TAFA2: variants seen among roughly 807,000 people sequenced by gnomAD.
TAFA2 encodes chemokine-like protein TAFA-2.
In TAFA2, 7 loss-of-function variants were observed where a neutral mutation model predicts 18.8. The observed-to-expected ratio is 0.37, with a 90% CI of 0.21 to 0.70. The LOEUF is 0.70. Among genes scored for constraint, TAFA2 ranks in the 30% least tolerant of loss-of-function variants. The pLI is 0.53. For synonymous variants in TAFA2, 60 were observed against 54.2 expected (o/e 1.11, Z -0.47); for missense variants, 122 against 158.1 (o/e 0.77, Z 1.23).
chr12:61,960,500 A>G lies in TAFA2; in HGVS notation c.-1-93074T>C, dbSNP rs1217184259. Among the ~76,000 whole-genome samples the G allele has an allele frequency of 2.0e-5, 3 of 152,086 alleles. No individual in the cohort carries two copies. In the East Asian group the frequency reaches 5.8e-4, roughly 29 times the overall value. ...TATAGTGACTCATTTTGTCTTCAAA[A>G]TTATCCTGTGAGAAATGCTTTACCA... On this transcript the variant is annotated intron_variant, in intron 1 of 4. Transcript: ENST00000416284.
At chr12:62,115,294 A>T (rs1869916531) in intron 1 of TAFA2, among the ~76,000 whole-genome samples, 1 of 152,150 alleles carries the variant, frequency 6.6e-6, no homozygotes, top group Non-Finnish European at 1.5e-5. Flanking sequence ...AAGTGTATGT[A>T]TCAGATCAAC....
At chr12:62,090,037 G>C (rs1868643465) in intron 1 of TAFA2, among the ~76,000 whole-genome samples, 2 of 152,060 alleles carry the variant, frequency 1.3e-5, no homozygotes, top group African/African-American at 4.8e-5. Flanking sequence ...ATTCTCATAA[G>C]ACTGCCTGAA....
intron 1 of TAFA2, among the ~76,000 whole-genome samples, chr12:62,174,209 A>G (rs1881958): frequency 0.91 from 139,159 of 152,230 alleles, 63,727 homozygotes; most frequent in Middle Eastern, 0.95. Context: ...CCAGCTACTC[A>G]GGAGGCTGAG....
At chr12:62,118,627 C>T (rs1870063761) in intron 1 of TAFA2, among the ~76,000 whole-genome samples, 1 of 152,100 alleles carries the variant, frequency 6.6e-6, no homozygotes, top group South Asian at 2.1e-4. Flanking sequence ...CAATAATTGA[C>T]ACTATCAGGC....
intron 2 of TAFA2, among the ~76,000 whole-genome samples, chr12:61,761,873 G>A (rs527759607): frequency 7.2e-5 from 11 of 152,148 alleles, no homozygotes; most frequent in Admixed American, 4.6e-4. Flanking sequence ...GATGGGTCCT[G>A]GTGGAAGGTG....
intron 1 of TAFA2, among the ~76,000 whole-genome samples, chr12:62,255,790 G>A (rs1033227933): frequency 2.6e-5 from 4 of 152,072 alleles, no homozygotes; most frequent in African/African-American, 9.7e-5. Context: ...AGAGGCGAAG[G>A]TTGCAGTGAG....
rs931094071 is a variant in TAFA2, at chr12:62,051,972, A to T, written c.-2+139287T>A. On this transcript the variant is annotated intron_variant, in intron 1 of 4. Coordinates refer to ENST00000416284, the MANE Select transcript of TAFA2 (RefSeq NM_178539.5). Reference sequence around the variant, plus strand: ...TTGTAGTATGAAAGCACTAATAGACAATACATAAACTAATAAACATGTTAT... The same window carrying T: ...TTGTAGTATGAAAGCACTAATAGACTATACATAAACTAATAAACATGTTAT... 3.9e-5 allele frequency among the ~76,000 whole-genome samples: 6 copies of T among 152,190 alleles called. No homozygotes were observed. In the East Asian group the frequency reaches 5.8e-4, roughly 15 times the overall value.
chr12:62,182,716 C>T (rs2062560373), intron 1 of TAFA2, among the ~76,000 whole-genome samples: 1 of 152,186 alleles, frequency 6.6e-6, no homozygotes, highest in African/African-American at 2.4e-5. Flanking sequence ...TGTCACCCTC[C>T]ATTTGAGGAC....
chr12:62,126,233 A>G (rs1870454608), intron 1 of TAFA2, among the ~76,000 whole-genome samples: 1 of 152,116 alleles, frequency 6.6e-6, no homozygotes, highest in South Asian at 2.1e-4. Flanking sequence ...GATGAAAAAG[A>G]TTACCTTTCT....
At chr12:62,136,277 ATTG>A (rs1199081994) in intron 1 of TAFA2, among the ~76,000 whole-genome samples, 1 of 152,146 alleles carries the variant, frequency 6.6e-6, no homozygotes, top group East Asian at 1.9e-4. Flanking sequence ...GTGACCCACA[ATTG>A]TTGTGAATCG....
At chr12:62,128,598 C>T (rs2136890116) in intron 1 of TAFA2, among the ~76,000 whole-genome samples, 1 of 152,112 alleles carries the variant, frequency 6.6e-6, no homozygotes, top group East Asian at 1.9e-4. Context: ...TCAGTACTGC[C>T]CTCTCCCCGC....
At chr12:61,895,506 C>T (rs1332567098) in intron 1 of TAFA2, among the ~76,000 whole-genome samples, 1 of 152,076 alleles carries the variant, frequency 6.6e-6, no homozygotes, top group Non-Finnish European at 1.5e-5. Flanking sequence ...AAAACTGATA[C>T]CTGAGATTTA....
chr12:62,088,377 A>G lies in TAFA2; in HGVS notation c.-2+102882T>C, dbSNP rs796761876. On this transcript the variant is annotated intron_variant, in intron 1 of 4. Transcript: ENST00000416284. ...CAGTTCAAGTAATTGATCAAGAAAT[A>G]CAAGAGAAAAGGAGCAATTCCCAGG... Among the ~76,000 whole-genome samples, 4 of 152,158 alleles carry G rather than the reference A, an allele frequency of 2.6e-5. No individual in the cohort carries two copies. In the East Asian group the frequency reaches 5.8e-4, roughly 22 times the overall value.
chr12:61,999,889 T>C (rs959289197), intron 1 of TAFA2, among the ~76,000 whole-genome samples: 1 of 152,204 alleles, frequency 6.6e-6, no homozygotes, highest in Admixed American at 6.5e-5. Context: ...CCTATGAGAC[T>C]GTGGGAAAGA....
chr12:61,990,151 A>C (rs1475070183), intron 1 of TAFA2, among the ~76,000 whole-genome samples: 1 of 152,170 alleles, frequency 6.6e-6, no homozygotes, highest in Non-Finnish European at 1.5e-5. Flanking sequence ...AACTTAAAAA[A>C]TAAGGAAAAA....
At chr12:62,168,055 A>T (rs1424428913) in intron 1 of TAFA2, among the ~76,000 whole-genome samples, 1 of 152,184 alleles carries the variant, frequency 6.6e-6, no homozygotes, top group Non-Finnish European at 1.5e-5. Flanking sequence ...ATTTAAAAAC[A>T]CATAAACATT....
intron 1 of TAFA2, among the ~76,000 whole-genome samples, chr12:61,971,273 T>A (rs1592522013): frequency 6.6e-6 from 1 of 151,636 alleles, no homozygotes; most frequent in African/African-American, 2.4e-5. Flanking sequence ...AATTATACAA[T>A]ACTCTTGAAT....
chr12:61,874,641 T>A (rs570240581), intron 1 of TAFA2, among the ~76,000 whole-genome samples: 1 of 152,268 alleles, frequency 6.6e-6, no homozygotes, highest in Admixed American at 6.5e-5. Context: ...CACCCACAGA[T>A]TGAAATGATA....
At chr12:62,081,912 C>T (rs928894303) in intron 1 of TAFA2, among the ~76,000 whole-genome samples, 5 of 152,060 alleles carry the variant, frequency 3.3e-5, no homozygotes, top group Non-Finnish European at 5.9e-5. Context: ...GCCCAGCATC[C>T]GTTAGCTATT....
Sources: gnomAD v4.1 joint callset for allele counts (sites outside exome capture counted in the v4.1 genomes callset) on GRCh38, gnomAD v4.1.1 for gene constraint, MANE v1.5 for transcripts, NCBI Gene and HGNC (gene_info 2026-07-23, HGNC 2026-07-21) for gene names.